Variants in KIAA2012 observed in about 807,000 individuals in gnomAD.
The protein encoded by KIAA2012 is uncharacterized protein KIAA2012.
KIAA2012 carries 125 observed loss-of-function variants against 150.6 expected under a neutral mutation model. The ratio of observed to expected loss-of-function variants is 0.83; its 90% CI spans 0.72 to 0.96. The LOEUF is 0.96. Ranked by LOEUF, KIAA2012 falls within the 40% of genes least tolerant of loss-of-function variation. The pLI is 0.00. For missense variants in KIAA2012, 1,219 were observed against 1,354.9 expected (o/e 0.90, Z 1.57); for synonymous variants, 462 against 504.7 (o/e 0.92, Z 1.13).
intron 13 of KIAA2012, among the ~76,000 whole-genome samples, chr2:202,141,050 G>C (rs2105945766): frequency 6.6e-6 from 1 of 152,332 alleles, no homozygotes; most frequent in East Asian, 1.9e-4. Flanking sequence ...AACAATCTCT[G>C]GCGTGTGGGT....
chr2:202,143,075 A>ATTTTTTTTTTTTTTTTTTTTTTTTTTTTT (rs59488285), intron 13 of KIAA2012, among the ~76,000 whole-genome samples: 4 of 124,988 alleles, frequency 3.2e-5, no homozygotes, highest in Non-Finnish European at 4.9e-5. Flanking sequence ...CACTGGTTTA[A>ATTTTTTTTTTTTTTTTTTTTTTTTTTTTT]TTTTTTTTTT....
intron 13 of KIAA2012, among the ~76,000 whole-genome samples, chr2:202,143,075 A>ATTTTTTTTTTTTTT (rs59488285): frequency 5.6e-5 from 7 of 124,988 alleles, no homozygotes; most frequent in African/African-American, 6.2e-5. Flanking sequence ...CACTGGTTTA[A>ATTTTTTTTTTTTTT]TTTTTTTTTT....
At chr2:202,109,058 G>A (rs1690275804) in intron 9 of KIAA2012, among the ~76,000 whole-genome samples, 1 of 152,142 alleles carries the variant, frequency 6.6e-6, no homozygotes, top group African/African-American at 2.4e-5. Context: ...GATACCCTCT[G>A]ACTTCCATCT....
chr2:202,188,905 T>G (rs1372772001), intron 18 of KIAA2012, among the ~76,000 whole-genome samples: 3 of 152,324 alleles, frequency 2.0e-5, no homozygotes, highest in South Asian at 4.1e-4. Flanking sequence ...CTGAACACTT[T>G]CTTTAGCCTA....
At chr2:202,195,212 G>A (rs1692393723) in intron 21 of KIAA2012, among the ~76,000 whole-genome samples, 1 of 151,788 alleles carries the variant, frequency 6.6e-6, no homozygotes, top group South Asian at 2.1e-4. Context: ...ATTTGTGTTG[G>A]GAACATTCAA....
At chr2:202,096,709 T>A (rs544112461) in intron 4 of KIAA2012, among the ~76,000 whole-genome samples, 27 of 152,296 alleles carry the variant, frequency 1.8e-4, no homozygotes, top group African/African-American at 6.3e-4. Context: ...TGGAGCTGCA[T>A]GCTGGGAATA....
chr2:202,087,966 G>T (rs1052837754), intron 2 of KIAA2012, among the ~76,000 whole-genome samples: 7 of 135,508 alleles, frequency 5.2e-5, no homozygotes, highest in Non-Finnish European at 9.5e-5. Context: ...CAGGGATGGA[G>T]AATATTCAGG....
In KIAA2012 at chr2:202,113,374, G is replaced by C; in HGVS notation, c.1690G>C (p.Gly564Arg). ...SDPTLGHFLL[G>R]PDGEKVCLSL... The stretch of plus-strand genomic sequence containing the variant: ...CCCTACACTGGGACACTTCTTGCTG[G>C]GTCCAGATGGAGAAAAAGTCTGCCT... The change falls in exon 11 of 24, where the codon GGT becomes CGT. Residue 564 changes from glycine (G) to arginine (R), a missense_variant. Physicochemically the swap from Gly to Arg is moderately radical, Grantham distance 125. Coordinates refer to ENST00000498697, the MANE Select transcript of KIAA2012 (RefSeq NM_001277372.4). 1.3e-6 allele frequency: 2 copies of C among 1,550,682 alleles called. No homozygotes were observed. The highest frequency in any genetic ancestry group is 2.4e-5 in the South Asian group (2 of 84,048).
chr2:202,179,355 G>C, intron 15 of KIAA2012: 1 of 940,446 alleles, frequency 1.1e-6, no homozygotes, highest in Non-Finnish European at 1.7e-6. Flanking sequence ...AAACTTGTCC[G>C]GATTGAATAT....
At position 202,174,801 on chromosome 2, in the gene KIAA2012, T is replaced by A. The variant is rs143429221; in HGVS notation, c.2119+9445T>A. On this transcript the variant is annotated intron_variant, in intron 15 of 23. Transcript: ENST00000498697. ...CTCTCAAAGATGAGAAATGACTTTTTTTATTATTATTATACTTTAAGTTTT... is the reference window on the plus strand; with the variant it reads ...CTCTCAAAGATGAGAAATGACTTTTATTATTATTATTATACTTTAAGTTTT... 4.4e-3 allele frequency among the ~76,000 whole-genome samples: 670 copies of A among 152,340 alleles called. 31 individuals are homozygous for A. The highest frequency in any genetic ancestry group is 0.035 in the Admixed American group (538 of 15,298).
At chr2:202,201,332 G>A in intron 22 of KIAA2012, 1 of 1,584,662 alleles carries the variant, frequency 6.3e-7, no homozygotes, top group South Asian at 1.1e-5. Context: ...TGTGAGAAGT[G>A]CTGAAGGTAT....
chr2:202,143,527 G>A (rs1206658695), intron 13 of KIAA2012, among the ~76,000 whole-genome samples: 1 of 149,530 alleles, frequency 6.7e-6, no homozygotes, highest in Non-Finnish European at 1.5e-5. Flanking sequence ...AATCGAGGTG[G>A]ATTATGTTAT....
At chr2:202,171,932 C>T (rs1691901794) in intron 15 of KIAA2012, among the ~76,000 whole-genome samples, 1 of 150,222 alleles carries the variant, frequency 6.7e-6, no homozygotes, top group Non-Finnish European at 1.5e-5. Flanking sequence ...CTGCAACCTC[C>T]GCCTCCCAGG....
intron 22 of KIAA2012, among the ~76,000 whole-genome samples, chr2:202,199,836 A>G (rs1167754384): frequency 1.3e-5 from 2 of 151,454 alleles, no homozygotes; most frequent in Admixed American, 1.3e-4. Flanking sequence ...ATGGTAACCA[A>G]TTTTTGATCT....
intron 22 of KIAA2012, among the ~76,000 whole-genome samples, chr2:202,200,857 C>G (rs1344000601): frequency 1.3e-5 from 2 of 151,908 alleles, no homozygotes; most frequent in African/African-American, 2.4e-5. Flanking sequence ...CAGGCATGCA[C>G]CACTACGCCC....
At position 202,131,379 on chromosome 2, in the gene KIAA2012, G is replaced by C. The variant is rs927305716; in HGVS notation, c.1831+6097G>C. Among the ~76,000 whole-genome samples the C allele has an allele frequency of 3.3e-5, 5 of 152,176 alleles. No individual in the cohort carries two copies. The South Asian group carries it at 1.0e-3, about 32-fold the overall frequency. On this transcript the variant is annotated intron_variant, in intron 12 of 23. Transcript: ENST00000498697. ...TGGTCTCAAACTCCTGAGCTCAGGTGATCCACCTGCCTCAGCCTCCCAAAG... is the reference window on the plus strand; with the variant it reads ...TGGTCTCAAACTCCTGAGCTCAGGTCATCCACCTGCCTCAGCCTCCCAAAG...
chr2:202,090,699 C>G, intron 2 of KIAA2012, 71 bp from the exon 3 acceptor site: 1 of 1,442,820 alleles, frequency 6.9e-7, no homozygotes, highest in South Asian at 1.5e-5. Flanking sequence ...GAAGATTGTG[C>G]TAACCAGCCT....
At chr2:202,081,747 A>G (rs1432967426) in intron 2 of KIAA2012, among the ~76,000 whole-genome samples, 1 of 151,928 alleles carries the variant, frequency 6.6e-6, no homozygotes, top group Non-Finnish European at 1.5e-5. Context: ...GGGTTTCTCC[A>G]TGTTGGTCAG....
chr2:202,135,659 T>C (rs919932403), intron 12 of KIAA2012: 2 of 152,258 alleles, frequency 1.3e-5, no homozygotes, highest in African/African-American at 4.8e-5. Flanking sequence ...ATTCTCCTGG[T>C]GTTGCAAGAA....
Sources: gnomAD v4.1 joint callset for allele counts (sites outside exome capture counted in the v4.1 genomes callset) on GRCh38, gnomAD v4.1.1 for gene constraint, MANE v1.5 for transcripts, NCBI Gene and HGNC (gene_info 2026-07-23, HGNC 2026-07-21) for gene names.